The following SGCZ variants were observed in gnomAD, a reference collection of about 807,000 sequenced individuals.
SGCZ encodes zeta-sarcoglycan.
In SGCZ, 40 loss-of-function variants were observed where a neutral mutation model predicts 41.3. The ratio of observed to expected loss-of-function variants is 0.97; its 90% CI spans 0.75 to 1.26. SGCZ has a LOEUF of 1.26. Among genes scored for constraint, SGCZ ranks in the 50% most tolerant of loss-of-function variants. The pLI is 0.00. For synonymous variants in SGCZ, 206 were observed against 137.5 expected, an observed-to-expected ratio of 1.50 and a Z score of -3.49; for missense variants, 552 against 369.8, an observed-to-expected ratio of 1.49 and a Z score of -4.04.
rs1180276991 is a variant in SGCZ, at chr8:14,088,111, T to C, written c.*2332A>G. ...TTTTCTCCTCTTATGACATATAATT[T>C]AAAATTTCATTTTTCTCTTTTGCCT... On this transcript the variant is annotated 3_prime_UTR_variant, in exon 8 of 8. Transcript: ENST00000382080. Among the ~76,000 whole-genome samples the C allele has an allele frequency of 2.0e-5, 3 of 151,834 alleles. No individual in the cohort carries two copies. The highest frequency in any genetic ancestry group is 1.3e-4 in the Admixed American group (2 of 15,212).
At chr8:14,573,627 T>A (rs1804625726) in intron 1 of SGCZ, among the ~76,000 whole-genome samples, 3 of 152,222 alleles carry the variant, frequency 2.0e-5, no homozygotes, top group Non-Finnish European at 4.4e-5. Context: ...TTTTATTGTA[T>A]TTATCTTTTC....
intron 1 of SGCZ, among the ~76,000 whole-genome samples, chr8:14,765,967 C>CTT (rs59212700): frequency 0.3 from 42,686 of 141,402 alleles, 7,934 homozygotes; most frequent in East Asian, 0.48. Flanking sequence ...ATATGATAGT[C>CTT]TTTTTTTTTT....
At chr8:14,439,032 G>C (rs1178931538) in intron 2 of SGCZ, among the ~76,000 whole-genome samples, 1 of 151,942 alleles carries the variant, frequency 6.6e-6, no homozygotes, top group African/African-American at 2.4e-5. Context: ...CCTCTGCAAA[G>C]GTTTATTACA....
At chr8:14,358,487 T>C (rs1803375552) in intron 2 of SGCZ, among the ~76,000 whole-genome samples, 1 of 152,172 alleles carries the variant, frequency 6.6e-6, no homozygotes, top group Non-Finnish European at 1.5e-5. Context: ...AGTTACTATA[T>C]AAAATATGTT....
chr8:14,948,692 G>A (rs974264334), intron 1 of SGCZ, among the ~76,000 whole-genome samples: 2 of 152,034 alleles, frequency 1.3e-5, no homozygotes, highest in Admixed American at 1.3e-4. Context: ...AATACCTCAA[G>A]CCTAATGTTA....
At chr8:14,971,745 G>A (rs1801305517) in intron 1 of SGCZ, among the ~76,000 whole-genome samples, 1 of 150,678 alleles carries the variant, frequency 6.6e-6, no homozygotes, top group Admixed American at 6.6e-5. Context: ...CACCTCCCGG[G>A]TTCAAGTGAT....
intron 1 of SGCZ, among the ~76,000 whole-genome samples, chr8:14,954,244 T>C (rs1038373191): frequency 2.6e-5 from 4 of 152,190 alleles, no homozygotes; most frequent in Admixed American, 2.0e-4. Context: ...CAAGGTACAA[T>C]ACTACTAGGT....
chr8:14,473,199 T>C (rs1801261375), intron 2 of SGCZ, among the ~76,000 whole-genome samples: 5 of 152,142 alleles, frequency 3.3e-5, no homozygotes. Flanking sequence ...CAAAGGTTTA[T>C]GAAGTACTCT....
intron 3 of SGCZ, among the ~76,000 whole-genome samples, chr8:14,238,205 T>C (rs1168054233): frequency 2.6e-5 from 4 of 152,252 alleles, no homozygotes; most frequent in African/African-American, 9.6e-5. Context: ...CGTGTCTATC[T>C]GGGATTTTTT....
At chr8:14,971,038 C>T (rs1389138566) in intron 1 of SGCZ, among the ~76,000 whole-genome samples, 1 of 152,054 alleles carries the variant, frequency 6.6e-6, no homozygotes, top group Non-Finnish European at 1.5e-5. Context: ...ATTTTTGATG[C>T]TTTTGTGAAA....
At chr8:14,092,074 A>T (rs933457088) in intron 7 of SGCZ, among the ~76,000 whole-genome samples, 1 of 152,102 alleles carries the variant, frequency 6.6e-6, no homozygotes, top group Admixed American at 6.6e-5. Context: ...TTAAATAGGG[A>T]ATCCTTTCCC....
At chr8:14,897,377 G>A (rs1047711277) in intron 1 of SGCZ, among the ~76,000 whole-genome samples, 1 of 152,162 alleles carries the variant, frequency 6.6e-6, no homozygotes, top group African/African-American at 2.4e-5. Flanking sequence ...CTATTATACT[G>A]AGTATCCCAC....
chr8:15,076,886 A>G (rs1381985887), intron 1 of SGCZ, among the ~76,000 whole-genome samples: 3 of 152,122 alleles, frequency 2.0e-5, no homozygotes, highest in Non-Finnish European at 4.4e-5. Flanking sequence ...CCACCACTCA[A>G]TAACAAATAC....
intron 1 of SGCZ, among the ~76,000 whole-genome samples, chr8:15,215,848 G>C (rs1477173066): frequency 6.6e-6 from 1 of 152,168 alleles, no homozygotes. Context: ...TTGGCAGCCT[G>C]TATGCAAACA....
At chr8:14,196,264 ATTT>A (rs61326421) in intron 4 of SGCZ, among the ~76,000 whole-genome samples, 1 of 147,940 alleles carries the variant, frequency 6.8e-6, no homozygotes. Context: ...AATTAGAGTA[ATTT>A]TTTTTTTTTT....
chr8:15,106,156 T>C (rs538615607), intron 1 of SGCZ, among the ~76,000 whole-genome samples: 74 of 152,292 alleles, frequency 4.9e-4, no homozygotes, highest in African/African-American at 1.7e-3. Context: ...ATGTTTATTT[T>C]TCCACATGAA....
At chr8:14,891,285 A>G (rs978460767) in intron 1 of SGCZ, among the ~76,000 whole-genome samples, 1 of 152,234 alleles carries the variant, frequency 6.6e-6, no homozygotes, top group Non-Finnish European at 1.5e-5. Context: ...TACTGTGAAG[A>G]AGATCCATGA....
intron 3 of SGCZ, among the ~76,000 whole-genome samples, chr8:14,289,365 A>C (rs1016577565): frequency 6.6e-6 from 1 of 152,216 alleles, no homozygotes; most frequent in South Asian, 2.1e-4. Flanking sequence ...TTATGAATTA[A>C]TACCCCTATA....
At chr8:14,322,185 A>G (rs1801943730) in intron 3 of SGCZ, among the ~76,000 whole-genome samples, 1 of 151,910 alleles carries the variant, frequency 6.6e-6, no homozygotes, top group Non-Finnish European at 1.5e-5. Context: ...GTATGAGTCC[A>G]CTCCTATTTC....
Sources: gnomAD v4.1 joint callset for allele counts (sites outside exome capture counted in the v4.1 genomes callset) on GRCh38, gnomAD v4.1.1 for gene constraint, MANE v1.5 for transcripts, NCBI Gene and HGNC (gene_info 2026-07-23, HGNC 2026-07-21) for gene names.